TNRC6A: variants seen among roughly 807,000 people sequenced by gnomAD.
TNRC6A encodes trinucleotide repeat containing adaptor 6A.
TNRC6A carries 44 observed loss-of-function variants against 221.2 expected under a neutral mutation model. That is an observed-to-expected ratio of 0.20 (90% CI 0.16 to 0.26). The LOEUF (loss-of-function observed/expected upper bound fraction) is 0.26, where lower values mean the gene tolerates loss of function less well. Ranked by LOEUF, TNRC6A falls within the 10% of genes least tolerant of loss-of-function variation. The probability of loss-of-function intolerance (pLI) is 1.00; values close to 1 mark genes in which losing one functional copy is unlikely to be tolerated. For missense variants in TNRC6A, 2,199 were observed against 2,404.4 expected (o/e 0.91, Z 1.79); for synonymous variants, 847 against 838.5 (o/e 1.01, Z -0.18).
chr16:24,700,266 C>T (rs996164611), intron 2 of TNRC6A, among the ~76,000 whole-genome samples: 2 of 151,776 alleles, frequency 1.3e-5, no homozygotes, highest in African/African-American at 4.8e-5. Context: ...GACAGAGTCT[C>T]ACTCTGTTGC....
At chr16:24,645,737 C>T (rs1214586790) in intron 2 of TNRC6A, among the ~76,000 whole-genome samples, 1 of 147,126 alleles carries the variant, frequency 6.8e-6, no homozygotes, top group Non-Finnish European at 1.5e-5. Context: ...TGGCTCATGC[C>T]TGTAATCCCA....
At chr16:24,722,527 C>T (rs1006629426) in intron 2 of TNRC6A, among the ~76,000 whole-genome samples, 7 of 151,922 alleles carry the variant, frequency 4.6e-5, no homozygotes, top group Non-Finnish European at 1.0e-4. Flanking sequence ...CCTCCACTCC[C>T]GGGTTCAAGT....
Position 24,793,500 on chromosome 16 carries a change from C to A in TNRC6A, c.3203C>A (p.Ser1068Tyr). 6.6e-7 allele frequency: 1 copy of A among 1,517,018 alleles called. No individual in the cohort carries two copies. The highest frequency in any genetic ancestry group is 1.4e-5 in the South Asian group (1 of 71,714). The allele number at this position is 1,517,018 out of a possible 1,614,324, so 94.0% of individuals were successfully genotyped here. A position where few individuals can be genotyped will look rare whatever the true frequency, so the allele number is the denominator to read the frequency against. Reference protein sequence around the residue: ...SGWGEPWGEPSTPATTVDNGT... With the variant: ...SGWGEPWGEPYTPATTVDNGT... The stretch of plus-strand genomic sequence containing the variant: ...TGGGGTGAGCCCTGGGGGGAGCCTT[C>A]TACTCCAGCCACAACTGTGGATAAT... Residue 1068 changes from serine (S) to tyrosine (Y), a missense_variant, in exon 7 of 25, where the codon TCT becomes TAT. Ser to Tyr is a moderately radical substitution (Grantham distance 144). This residue lies in a region of TNRC6A where 1,405 missense variants were observed against 1,400.2 expected (regional missense o/e 1.00). Transcript: ENST00000395799.
intron 2 of TNRC6A, among the ~76,000 whole-genome samples, chr16:24,717,815 A>G (rs1484305958): frequency 8.5e-6 from 1 of 117,170 alleles, no homozygotes; most frequent in African/African-American, 3.3e-5. Context: ...TCTGTCACCC[A>G]GGCTGGAGTG....
chr16:24,702,156 C>CT lies in TNRC6A; in HGVS notation n.403-48564dup, dbSNP rs1389302757. Among the ~76,000 whole-genome samples the CT allele has an allele frequency of 2.1e-4, 23 of 109,858 alleles. 1 individual carries two copies. The highest frequency in any genetic ancestry group is 7.8e-4 in the African/African-American group (23 of 29,616). 72.1% of individuals were successfully genotyped at this position (109,858 alleles called of 152,430 possible). A position where few individuals can be genotyped will look rare whatever the true frequency, so the allele number is the denominator to read the frequency against. On this transcript the variant is annotated intron_variant and non_coding_transcript_variant, in intron 2 of 2. Transcript: ENST00000566108. The stretch of plus-strand genomic sequence containing the variant: ...AGTGTCCACATTTCGCGTGTAAACT[C>CT]TTTTTTCTTTTCTTTTTTCTTTTTT...
rs572354191 is a variant in TNRC6A, at chr16:24,693,937, G to A, written n.402+52928G>A. On this transcript the variant is annotated intron_variant and non_coding_transcript_variant, in intron 2 of 2. Coordinates refer to the TNRC6A transcript ENST00000566108. ...AAAAAGAGGGTTGATTAACATGGAA[G>A]AAAGCAGAAGTAACTCCGAAAACAA... Among the ~76,000 whole-genome samples, 7 of 152,172 alleles carry A rather than the reference G, an allele frequency of 4.6e-5. No individual in the cohort carries two copies. The South Asian group carries it at 1.5e-3, about 32-fold the overall frequency.
chr16:24,728,455 GATAAT>G (rs992881151), upstream of TNRC6A, among the ~76,000 whole-genome samples: 2 of 147,924 alleles, frequency 1.4e-5, no homozygotes, highest in East Asian at 3.9e-4. Flanking sequence ...TAAAAAAAAT[GATAAT>G]ATAATAAAAA....
chr16:24,766,472 G>A (rs2057473481), intron 4 of TNRC6A, among the ~76,000 whole-genome samples: 1 of 152,082 alleles, frequency 6.6e-6, no homozygotes, highest in Admixed American at 6.6e-5. Flanking sequence ...TCCATACCCA[G>A]AAGTGATTTG....
chr16:24,655,975 T>C (rs1453966568), intron 2 of TNRC6A, among the ~76,000 whole-genome samples: 1 of 146,916 alleles, frequency 6.8e-6, no homozygotes, highest in African/African-American at 2.5e-5. Context: ...CCCTTGTCTT[T>C]ACAAAAAATT....
At chr16:24,806,135 C>A in intron 15 of TNRC6A, 71 bp from the exon 16 acceptor site, 1 of 1,562,112 alleles carries the variant, frequency 6.4e-7, no homozygotes, top group South Asian at 1.2e-5. Context: ...GGTCCATCTG[C>A]TGTCGTCATT....
intron 2 of TNRC6A, among the ~76,000 whole-genome samples, chr16:24,696,892 A>G (rs28411989): frequency 0.24 from 36,808 of 151,788 alleles, 4,890 homozygotes; most frequent in Non-Finnish European, 0.31. Context: ...TTGGTCATGG[A>G]TGTGATGACC....
At position 24,809,425 on chromosome 16, in the gene TNRC6A, C is replaced by T. The variant is rs758180350; in HGVS notation, c.4616C>T (p.Thr1539Met). 17 of 1,594,208 alleles carry T rather than the reference C, an allele frequency of 1.1e-5. No homozygotes were observed. The highest frequency in any genetic ancestry group is 1.7e-5 in the Admixed American group (1 of 58,796). ...KEPQSRLRKW[T>M]TVDSISVNTS... Reference sequence around the variant, plus strand: ...CCACAGTCAAGACTAAGGAAGTGGACGACAGTGGACAGCATTTCTGTGAAC... The same window carrying T: ...CCACAGTCAAGACTAAGGAAGTGGATGACAGTGGACAGCATTTCTGTGAAC... The change falls in exon 18 of 25, where the codon ACG becomes ATG. Residue 1539 changes from threonine to methionine, a missense_variant. Around this residue, in one of 8 missense-constraint regions of TNRC6A, gnomAD observed 449 missense variants for 579.7 expected, o/e 0.77. Coordinates refer to ENST00000395799, the MANE Select transcript of TNRC6A (RefSeq NM_014494.4).
intron 2 of TNRC6A, among the ~76,000 whole-genome samples, chr16:24,642,781 C>A (rs1482810525): frequency 6.6e-6 from 1 of 152,060 alleles, no homozygotes; most frequent in African/African-American, 2.4e-5. Flanking sequence ...GATAGTGCCA[C>A]TGCACTACAG....
chr16:24,687,959 T>TTTTCTTTTCTTTTC (rs1567357473), intron 2 of TNRC6A, among the ~76,000 whole-genome samples: 33 of 87,990 alleles, frequency 3.8e-4, no homozygotes, highest in Non-Finnish European at 7.3e-4. Context: ...CTTTTCTTTT[T>TTTTCTTTTCTTTTC]TTTTTTTTTG....
At position 24,789,742 on chromosome 16, in the gene TNRC6A, A is replaced by G. The variant is rs753233814; in HGVS notation, c.1100A>G (p.His367Arg). 76 of 1,614,092 alleles carry G rather than the reference A, an allele frequency of 4.7e-5. 1 individual carries two copies. In the South Asian group the frequency reaches 7.8e-4, roughly 17 times the overall value. The stretch of plus-strand genomic sequence containing the variant: ...AGCACTTTGAATTCAGCTAGCAACC[A>G]TGGTGCCTGGCCAGTATTAGAGAAC... ...NPSTLNSASN[H>R]GAWPVLENNG... is the part of the protein sequence containing the mutation. Residue 367 changes from histidine to arginine, a missense_variant, in exon 6 of 25, where the codon CAT becomes CGT. Coordinates refer to ENST00000395799, the MANE Select transcript of TNRC6A (RefSeq NM_014494.4).
intron 2 of TNRC6A, among the ~76,000 whole-genome samples, chr16:24,668,678 C>T (rs938505236): frequency 2.6e-5 from 4 of 152,216 alleles, no homozygotes; most frequent in Admixed American, 1.3e-4. Flanking sequence ...TTTCCCGCCC[C>T]CTCTGAGAAG....
At chr16:24,745,385 G>T (rs1223607191) in intron 2 of TNRC6A, among the ~76,000 whole-genome samples, 1 of 152,128 alleles carries the variant, frequency 6.6e-6, no homozygotes, top group Non-Finnish European at 1.5e-5. Flanking sequence ...GAAAAGGAAT[G>T]GGGGGTGGCA....
chr16:24,706,979 TTTTATTTATGTATTTA>T (rs1309707014), intron 2 of TNRC6A, among the ~76,000 whole-genome samples: 1 of 140,438 alleles, frequency 7.1e-6, no homozygotes, highest in Non-Finnish European at 1.5e-5. Flanking sequence ...ATTTATCTAT[TTTTATTTATGTATTTA>T]TTTATTTATT....
chr16:24,627,297 GT>G (rs1182195826), intron 1 of TNRC6A, among the ~76,000 whole-genome samples: 1 of 152,024 alleles, frequency 6.6e-6, no homozygotes, highest in Non-Finnish European at 1.5e-5. Flanking sequence ...AAGAAAGGCT[GT>G]GCTTCACAAT....
Sources: allele counts gnomAD v4.1 joint callset (sites outside exome capture counted in the v4.1 genomes callset), GRCh38; gene constraint gnomAD v4.1.1; regional missense constraint gnomAD v4.1.1; transcripts MANE v1.5; gene names NCBI Gene and HGNC (gene_info 2026-07-23, HGNC 2026-07-21).